Variants in DEPDC1B observed in about 807,000 individuals in gnomAD.
The protein encoded by DEPDC1B is DEP domain containing 1B, also known as DEP domain-containing protein 1B.
Under a neutral mutation model 66.5 loss-of-function variants are expected in DEPDC1B, and 51 were observed. The ratio of observed to expected loss-of-function variants is 0.77; its 90% confidence interval spans 0.61 to 0.97. The LOEUF is 0.97. Among genes scored for constraint, DEPDC1B ranks in the 50% least tolerant of loss-of-function variants. The probability of loss-of-function intolerance (pLI) is 0.00; values close to 1 mark genes in which losing one functional copy is unlikely to be tolerated. For missense variants in DEPDC1B, 552 were observed against 637.1 expected (o/e 0.87, Z 1.44); for synonymous variants, 226 against 223.6 (o/e 1.01, Z -0.10).
intron 6 of DEPDC1B, among the ~76,000 whole-genome samples, chr5:60,639,354 T>C (rs1441427374): frequency 2.0e-5 from 3 of 152,230 alleles, no homozygotes; most frequent in Non-Finnish European, 4.4e-5. Context: ...TCATTCTTGT[T>C]ATATTATAAA....
intron 7 of DEPDC1B, among the ~76,000 whole-genome samples, chr5:60,622,993 G>A (rs1752739229): frequency 6.6e-6 from 1 of 152,012 alleles, no homozygotes; most frequent in Non-Finnish European, 1.5e-5. Flanking sequence ...TTCCAATTTT[G>A]ATGAAGTCTA....
At position 60,597,679 on chromosome 5, in the gene DEPDC1B, A is replaced by T; in HGVS notation, c.*74T>A. The T allele has an allele frequency of 6.8e-7, 1 of 1,472,320 alleles. No individual in the cohort carries two copies. The highest frequency in any genetic ancestry group is 9.1e-7 in the Non-Finnish European group (1 of 1,093,184). 91.2% of individuals were successfully genotyped at this position (1,472,320 alleles called of 1,614,324 possible). ...TATGCTTTTCTTTCTTCCACCACCA[A>T]AGTCTTTCTCCTAACCACCATTCAC... On this transcript the variant is annotated 3_prime_UTR_variant, in exon 11 of 11. Coordinates refer to ENST00000265036, the MANE Select transcript of DEPDC1B (RefSeq NM_018369.3).
chr5:60,647,060 G>A (rs903723648), intron 3 of DEPDC1B, among the ~76,000 whole-genome samples: 3 of 152,066 alleles, frequency 2.0e-5, no homozygotes, highest in South Asian at 2.1e-4. Flanking sequence ...CACAATAAAT[G>A]TAATGCACTT....
chr5:60,675,990 C>A (rs1231091408), intron 2 of DEPDC1B, among the ~76,000 whole-genome samples: 1 of 151,364 alleles, frequency 6.6e-6, no homozygotes, highest in Non-Finnish European at 1.5e-5. Flanking sequence ...TGCACTGGCA[C>A]AATCTCGGCT....
intron 7 of DEPDC1B, among the ~76,000 whole-genome samples, chr5:60,614,951 A>G (rs1752507881): frequency 6.6e-6 from 1 of 152,240 alleles, no homozygotes; most frequent in Non-Finnish European, 1.5e-5. Context: ...AGATCATGTC[A>G]CTGCACTACA....
chr5:60,671,764 C>T (rs1306570420), intron 2 of DEPDC1B, among the ~76,000 whole-genome samples: 1 of 152,176 alleles, frequency 6.6e-6, no homozygotes, highest in Non-Finnish European at 1.5e-5. Context: ...CTCAGAGGAC[C>T]TGAATTAATG....
intron 2 of DEPDC1B, among the ~76,000 whole-genome samples, chr5:60,664,065 C>A (rs899447766): frequency 6.6e-6 from 1 of 152,158 alleles, no homozygotes; most frequent in Non-Finnish European, 1.5e-5. Flanking sequence ...AAGCCAATAC[C>A]CATTTAGTAG....
At chr5:60,602,259 C>A (rs1449266046) in intron 9 of DEPDC1B, among the ~76,000 whole-genome samples, 1 of 145,652 alleles carries the variant, frequency 6.9e-6, no homozygotes, top group East Asian at 1.9e-4. Context: ...AAAAAAAAAT[C>A]TGAAAGACTA....
At chr5:60,657,672 T>C (rs963287322) in intron 2 of DEPDC1B, among the ~76,000 whole-genome samples, 1 of 152,248 alleles carries the variant, frequency 6.6e-6, no homozygotes. Flanking sequence ...GTTAATCTGA[T>C]AGGTTTTCCT....
At chr5:60,608,027 CAGAGG>C (rs1752345930) in intron 7 of DEPDC1B, among the ~76,000 whole-genome samples, 1 of 152,084 alleles carries the variant, frequency 6.6e-6, no homozygotes, top group South Asian at 2.1e-4. Context: ...GGGTTCTGAA[CAGAGG>C]AGTCACTTGA....
intron 1 of DEPDC1B, among the ~76,000 whole-genome samples, chr5:60,692,566 T>C (rs1272966165): frequency 6.6e-6 from 1 of 152,128 alleles, no homozygotes; most frequent in Non-Finnish European, 1.5e-5. Flanking sequence ...TCTCATACAC[T>C]GCTGTAAGGA....
intron 3 of DEPDC1B, among the ~76,000 whole-genome samples, chr5:60,646,464 A>G (rs1190122984): frequency 6.6e-6 from 1 of 152,150 alleles, no homozygotes; most frequent in Non-Finnish European, 1.5e-5. Flanking sequence ...TTTAACAGAA[A>G]CCTGCTCAGT....
intron 2 of DEPDC1B, among the ~76,000 whole-genome samples, chr5:60,677,178 A>C (rs1754179997): frequency 6.6e-6 from 1 of 152,196 alleles, no homozygotes; most frequent in African/African-American, 2.4e-5. Flanking sequence ...TGGTCAAACA[A>C]AATAGATATG....
chr5:60,652,182 G>A (rs1409835837), intron 2 of DEPDC1B, among the ~76,000 whole-genome samples: 2 of 149,322 alleles, frequency 1.3e-5, no homozygotes, highest in Non-Finnish European at 1.5e-5. Context: ...GTGCAATTGC[G>A]CTTCATGCAC....
chr5:60,601,774 G>C (rs1383613535), intron 9 of DEPDC1B, among the ~76,000 whole-genome samples: 2 of 152,148 alleles, frequency 1.3e-5, no homozygotes, highest in African/African-American at 4.8e-5. Context: ...GCTACTAATT[G>C]TAGGTTTACA....
chr5:60,626,427 G>T (rs1584041922), intron 7 of DEPDC1B, among the ~76,000 whole-genome samples: 1 of 152,038 alleles, frequency 6.6e-6, no homozygotes, highest in African/African-American at 2.4e-5. Context: ...ATTCTTTTGG[G>T]TGTACATCTA....
chr5:60,607,381 T>TAATC (rs1752332592), intron 7 of DEPDC1B, among the ~76,000 whole-genome samples: 1 of 152,204 alleles, frequency 6.6e-6, no homozygotes, highest in Non-Finnish European at 1.5e-5. Context: ...CACTATCATC[T>TAATC]ATGTAGACCT....
chr5:60,656,362 G>A (rs1753576217), intron 2 of DEPDC1B, among the ~76,000 whole-genome samples: 1 of 151,782 alleles, frequency 6.6e-6, no homozygotes, highest in Non-Finnish European at 1.5e-5. Flanking sequence ...GGGTTTCACT[G>A]TGGTCTCGAT....
At chr5:60,651,662 G>A (rs1175509371) in intron 2 of DEPDC1B, among the ~76,000 whole-genome samples, 4 of 152,088 alleles carry the variant, frequency 2.6e-5, no homozygotes, top group African/African-American at 4.8e-5. Flanking sequence ...CAACAGGATC[G>A]GGCAGTGAAA....
Sources: gnomAD v4.1 joint callset for allele counts (sites outside exome capture counted in the v4.1 genomes callset) on GRCh38, gnomAD v4.1.1 for gene constraint, MANE v1.5 for transcripts, NCBI Gene and HGNC (gene_info 2026-07-23, HGNC 2026-07-21) for gene names.